KAZN: variants seen among roughly 807,000 people sequenced by gnomAD.
The protein encoded by KAZN is kazrin, periplakin interacting protein.
KAZN carries 40 observed loss-of-function variants against 87.4 expected under a neutral mutation model. The observed-to-expected ratio is 0.46, with a 90% confidence interval of 0.36 to 0.60. KAZN has a LOEUF of 0.60. KAZN is among the 20% of genes least tolerant of loss of function. The pLI is 0.00. For synonymous variants in KAZN, 466 were observed against 458.3 expected (o/e 1.02, Z -0.22); for missense variants, 898 against 1,073.9 (o/e 0.84, Z 2.29).
intron 8 of KAZN, among the ~76,000 whole-genome samples, chr1:15,068,406 C>T (rs915594389): frequency 3.9e-5 from 6 of 152,144 alleles, no homozygotes; most frequent in Non-Finnish European, 7.3e-5. Context: ...TCCAAACGCA[C>T]CACCCCCGAC....
chr1:13,932,627 A>G (rs1168186373), intron 1 of KAZN, among the ~76,000 whole-genome samples: 2 of 152,186 alleles, frequency 1.3e-5, no homozygotes, highest in Non-Finnish European at 2.9e-5. Flanking sequence ...TTTCATCCCC[A>G]TTTTATAGAT....
intron 1 of KAZN, among the ~76,000 whole-genome samples, chr1:13,954,795 T>C (rs189314179): frequency 6.6e-6 from 1 of 152,246 alleles, no homozygotes; most frequent in Non-Finnish European, 1.5e-5. Context: ...GATTTCTTTT[T>C]AGTTTTCTTG....
chr1:14,517,605 GACA>G (rs1671365261), intron 2 of KAZN, among the ~76,000 whole-genome samples: 1 of 152,306 alleles, frequency 6.6e-6, no homozygotes. Context: ...GTCCTGCACA[GACA>G]ACAAGTCGGG....
At chr1:14,633,207 G>A (rs753112822) in intron 1 of KAZN, among the ~76,000 whole-genome samples, 12 of 152,040 alleles carry the variant, frequency 7.9e-5, no homozygotes, top group Admixed American at 2.0e-4. Flanking sequence ...GTGAGCCACC[G>A]CACCCGGCCA....
At chr1:14,845,995 A>C (rs1648708821) in intron 1 of KAZN, among the ~76,000 whole-genome samples, 1 of 152,188 alleles carries the variant, frequency 6.6e-6, no homozygotes, top group African/African-American at 2.4e-5. Flanking sequence ...GTCTCCCAGG[A>C]GTGGGCTGAC....
chr1:14,284,789 C>A (rs531794323), intron 2 of KAZN, among the ~76,000 whole-genome samples: 1 of 152,134 alleles, frequency 6.6e-6, no homozygotes, highest in Non-Finnish European at 1.5e-5. Context: ...GAAGTAAGTA[C>A]GTCAGCAATT....
At chr1:14,517,702 C>T (rs957350055) in intron 2 of KAZN, among the ~76,000 whole-genome samples, 1 of 152,210 alleles carries the variant, frequency 6.6e-6, no homozygotes, top group African/African-American at 2.4e-5. Flanking sequence ...AGCTCATACA[C>T]AGTGGATGTG....
intron 2 of KAZN, among the ~76,000 whole-genome samples, chr1:14,472,452 A>G (rs1223470019): frequency 1.3e-5 from 2 of 152,170 alleles, no homozygotes; most frequent in Non-Finnish European, 2.9e-5. Flanking sequence ...CCATATCAAC[A>G]TGAGGCTGGA....
intron 2 of KAZN, among the ~76,000 whole-genome samples, chr1:14,270,548 C>A (rs1651836727): frequency 6.6e-6 from 1 of 152,186 alleles, no homozygotes; most frequent in African/African-American, 2.4e-5. Context: ...AGGTGGCATC[C>A]TGGCACATAG....
intron 1 of KAZN, among the ~76,000 whole-genome samples, chr1:14,725,978 G>A (rs1482183271): frequency 2.0e-5 from 3 of 152,214 alleles, no homozygotes; most frequent in Admixed American, 6.5e-5. Context: ...CATCTAGGTT[G>A]CACTAAACAC....
At chr1:14,021,793 G>A (rs1640836317) in intron 1 of KAZN, among the ~76,000 whole-genome samples, 2 of 152,180 alleles carry the variant, frequency 1.3e-5, no homozygotes, top group South Asian at 4.1e-4. Flanking sequence ...TATTGTAGGA[G>A]ATAGACTCTT....
At chr1:14,097,741 C>A (rs1261526605) in intron 1 of KAZN, among the ~76,000 whole-genome samples, 1 of 152,154 alleles carries the variant, frequency 6.6e-6, no homozygotes. Flanking sequence ...TTAGTTAGCT[C>A]AATCTGGCTC....
At chr1:14,784,245 C>T (rs1246027350) in intron 1 of KAZN, among the ~76,000 whole-genome samples, 1 of 152,204 alleles carries the variant, frequency 6.6e-6, no homozygotes, top group Non-Finnish European at 1.5e-5. Flanking sequence ...GGACAGACTC[C>T]TTTTCCTGAA....
intron 2 of KAZN, among the ~76,000 whole-genome samples, chr1:14,473,637 C>CAA (rs57752492): frequency 0.01 from 837 of 81,122 alleles, 4 homozygotes; most frequent in African/African-American, 0.033. Flanking sequence ...GACTCTGTCT[C>CAA]AAAAAAAAAA....
chr1:14,278,735 C>A (rs929066058), intron 2 of KAZN, among the ~76,000 whole-genome samples: 11 of 152,084 alleles, frequency 7.2e-5, no homozygotes, highest in Admixed American at 5.9e-4. Flanking sequence ...AGACTTTTTA[C>A]CTCTATGGCT....
At chr1:14,797,073 T>G (rs535990881) in intron 1 of KAZN, among the ~76,000 whole-genome samples, 5 of 152,286 alleles carry the variant, frequency 3.3e-5, no homozygotes, top group Non-Finnish European at 7.4e-5. Flanking sequence ...TTGGTTTTTG[T>G]TTTTCAGATG....
At chr1:14,424,744 A>G (rs1051611591) in intron 2 of KAZN, among the ~76,000 whole-genome samples, 6 of 152,206 alleles carry the variant, frequency 3.9e-5, no homozygotes, top group African/African-American at 7.2e-5. Context: ...TCTGCCAGTT[A>G]TTCCTATCTC....
intron 8 of KAZN, among the ~76,000 whole-genome samples, chr1:15,071,315 G>A (rs4661571): frequency 0.11 from 15,961 of 151,876 alleles, 1,479 homozygotes; most frequent in East Asian, 0.53. Flanking sequence ...GCAGTGGCGC[G>A]ATCTCGGCTC....
chr1:13,988,163 A>G (rs1639108463), intron 1 of KAZN, among the ~76,000 whole-genome samples: 1 of 152,180 alleles, frequency 6.6e-6, no homozygotes, highest in Non-Finnish European at 1.5e-5. Context: ...CCATAACAGA[A>G]GGAGACAAAT....
Sources: gnomAD v4.1 joint callset for allele counts (sites outside exome capture counted in the v4.1 genomes callset) on GRCh38, gnomAD v4.1.1 for gene constraint, MANE v1.5 for transcripts, NCBI Gene and HGNC (gene_info 2026-07-23, HGNC 2026-07-21) for gene names.